CPPED1: variants seen among roughly 807,000 people sequenced by gnomAD.
CPPED1 encodes the protein serine/threonine-protein phosphatase CPPED1.
Under a neutral mutation model 28.0 loss-of-function variants are expected in CPPED1, and 28 were observed. The observed-to-expected ratio is 1.00, with a 90% CI of 0.74 to 1.37. The LOEUF (loss-of-function observed/expected upper bound fraction) is 1.37. CPPED1 is among the 40% of genes most tolerant of loss of function. The pLI is 0.00. For missense variants in CPPED1, 504 were observed against 416.5 expected (o/e 1.21, Z -1.83); for synonymous variants, 198 against 180.2 (o/e 1.10, Z -0.79).
chr16:12,686,225 T>TTG (rs2079932169), intron 3 of CPPED1, among the ~76,000 whole-genome samples: 5 of 136,276 alleles, frequency 3.7e-5, no homozygotes, highest in African/African-American at 1.8e-4. Context: ...TGTTTATTAA[T>TTG]TGTATATATA....
At chr16:12,800,514 G>A (rs1007096399) in intron 1 of CPPED1, among the ~76,000 whole-genome samples, 2 of 151,878 alleles carry the variant, frequency 1.3e-5, no homozygotes, top group East Asian at 3.9e-4. Context: ...GCTTCCAACT[G>A]GATTGCATCC....
chr16:12,750,387 C>T (rs139941541), intron 2 of CPPED1, among the ~76,000 whole-genome samples: 103 of 152,202 alleles, frequency 6.8e-4, no homozygotes, highest in African/African-American at 2.3e-3. Flanking sequence ...GCTTAGAAGC[C>T]AGTATAGGGT....
intron 3 of CPPED1, among the ~76,000 whole-genome samples, chr16:12,699,829 A>G (rs2080011037): frequency 6.6e-6 from 1 of 152,212 alleles, no homozygotes; most frequent in South Asian, 2.1e-4. Flanking sequence ...ATTAAATACC[A>G]GCTGCCATCG....
At chr16:12,749,259 T>C (rs2080311640) in intron 2 of CPPED1, among the ~76,000 whole-genome samples, 1 of 152,220 alleles carries the variant, frequency 6.6e-6, no homozygotes, top group African/African-American at 2.4e-5. Context: ...GCATTGTGAG[T>C]TTATGGAATA....
At chr16:12,770,230 G>A (rs1466685529) in intron 2 of CPPED1, among the ~76,000 whole-genome samples, 2 of 152,156 alleles carry the variant, frequency 1.3e-5, no homozygotes, top group Non-Finnish European at 2.9e-5. Flanking sequence ...TGCTCTCAGT[G>A]CAAATGGCGC....
At chr16:12,791,010 T>C (rs973401721) in intron 1 of CPPED1, among the ~76,000 whole-genome samples, 4 of 150,722 alleles carry the variant, frequency 2.7e-5, no homozygotes, top group African/African-American at 9.7e-5. Flanking sequence ...CCCATCAGGA[T>C]CTTAAATTCA....
chr16:12,797,525 AG>A (rs1273004062), intron 1 of CPPED1, among the ~76,000 whole-genome samples: 1 of 152,096 alleles, frequency 6.6e-6, no homozygotes, highest in Non-Finnish European at 1.5e-5. Flanking sequence ...ACTGCACTCC[AG>A]CATAGGTGAC....
At chr16:12,717,924 G>T (rs969611723) in intron 2 of CPPED1, among the ~76,000 whole-genome samples, 1 of 152,180 alleles carries the variant, frequency 6.6e-6, no homozygotes, top group African/African-American at 2.4e-5. Context: ...TTACAGGCGT[G>T]AGCCACTGCA....
rs1315431853 is a variant in CPPED1, at chr16:12,687,959, GGAA to G, written c.715+16662_715+16664del. 2.7e-5 allele frequency among the ~76,000 whole-genome samples: 4 copies of G among 150,392 alleles called. No individual in the cohort carries two copies. In the South Asian group the frequency reaches 8.4e-4, roughly 32 times the overall value. On this transcript the variant is annotated intron_variant, in intron 3 of 3. Transcript: ENST00000381774. Reference sequence around the variant, plus strand: ...AAAGAATGAAGGAAGAAGGAGGGAAGGAAGAAGAAGGAGGAATGGAATGTCACT... The same window carrying G: ...AAAGAATGAAGGAAGAAGGAGGGAAGGAAGAAGGAGGAATGGAATGTCACT...
At chr16:12,717,115 A>G (rs964583827) in intron 2 of CPPED1, among the ~76,000 whole-genome samples, 1 of 152,186 alleles carries the variant, frequency 6.6e-6, no homozygotes, top group South Asian at 2.1e-4. Flanking sequence ...GAGGTTTAAA[A>G]AAAAGACCAG....
chr16:12,776,300 G>A (rs1050111309), intron 2 of CPPED1, among the ~76,000 whole-genome samples: 1 of 152,184 alleles, frequency 6.6e-6, no homozygotes, highest in African/African-American at 2.4e-5. Flanking sequence ...GTTCTTGTTG[G>A]ACTTCTGACC....
chr16:12,714,424 C>G (rs2080096453), intron 2 of CPPED1, among the ~76,000 whole-genome samples: 1 of 152,196 alleles, frequency 6.6e-6, no homozygotes, highest in African/African-American at 2.4e-5. Flanking sequence ...ATGAGGGTCC[C>G]AATGTTTCCA....
chr16:12,664,273 C>A lies in CPPED1; in HGVS notation c.*613G>T. On this transcript the variant is annotated 3_prime_UTR_variant, in exon 4 of 4. Coordinates refer to ENST00000381774, the MANE Select transcript of CPPED1 (RefSeq NM_018340.3). The surrounding 1 kb of genome is among the most constrained non-coding windows in gnomAD (Gnocchi z 4.2). ...AGGCACCCAGGAAGGCAAATTTAAG[C>A]TCCGAGCTGTATCAACTGCATTCTG... 1 of 807,090 alleles carries A rather than the reference C, an allele frequency of 1.2e-6. No individual in the cohort carries two copies. Among genetic ancestry groups the A allele is most frequent in the Non-Finnish European group, 1.5e-6 (1 of 666,954 alleles). The allele number at this position is 807,090 out of a possible 1,614,324, so 50.0% of individuals were successfully genotyped here.
chr16:12,803,867 TG>T lies in CPPED1; in HGVS notation c.-92del. On this transcript the variant is annotated 5_prime_UTR_variant, in exon 1 of 4. Transcript: ENST00000381774. ...AACAACCGCTGGACCTGTCCCGCTT[TG>T]GGCGACGCCCTTTGATCTCGGGGCG... 1 of 1,179,184 alleles carries T rather than the reference TG, an allele frequency of 8.5e-7. No homozygotes were observed. The highest frequency in any genetic ancestry group is 1.5e-5 in the South Asian group (1 of 67,192). 73.0% of individuals were successfully genotyped at this position (1,179,184 alleles called of 1,614,324 possible). A position where few individuals can be genotyped will look rare whatever the true frequency, so the allele number is the denominator to read the frequency against.
intron 3 of CPPED1, among the ~76,000 whole-genome samples, chr16:12,674,168 C>T (rs1057293237): frequency 3.9e-5 from 6 of 152,144 alleles, no homozygotes; most frequent in African/African-American, 1.4e-4. Flanking sequence ...AGGAACTTGG[C>T]CTTCTGAGGT....
In CPPED1 at chr16:12,660,341, A is replaced by G. The variant is rs1188489156; in HGVS notation, c.*4545T>C. ...CACATTTAATCGACTTCATTTACAT[A>G]GATAAAGCCTAAAGGAAAAATCCAA... On this transcript the variant is annotated 3_prime_UTR_variant, in exon 4 of 4. Coordinates refer to ENST00000381774, the MANE Select transcript of CPPED1 (RefSeq NM_018340.3). 6.6e-6 allele frequency: 1 copy of G among 152,236 alleles called. No individual in the cohort carries two copies. The highest frequency in any genetic ancestry group is 2.4e-5 in the African/African-American group (1 of 41,464). 9.4% of individuals were successfully genotyped at this position (152,236 alleles called of 1,614,324 possible). A position where few individuals can be genotyped will look rare whatever the true frequency, so the allele number is the denominator to read the frequency against.
chr16:12,666,291 C>A (rs969509877), intron 3 of CPPED1, among the ~76,000 whole-genome samples: 2 of 152,100 alleles, frequency 1.3e-5, no homozygotes, highest in African/African-American at 4.8e-5. Context: ...AGGCCAGACA[C>A]AAAACAGAGA....
intron 2 of CPPED1, among the ~76,000 whole-genome samples, chr16:12,723,255 G>A (rs1352217404): frequency 6.6e-6 from 1 of 152,194 alleles, no homozygotes; most frequent in Non-Finnish European, 1.5e-5. Context: ...GGCAATTACA[G>A]GTGTGACTTC....
At chr16:12,714,339 C>T (rs532980021) in intron 2 of CPPED1, among the ~76,000 whole-genome samples, 1 of 152,250 alleles carries the variant, frequency 6.6e-6, no homozygotes, top group South Asian at 2.1e-4. Flanking sequence ...TACATGGTAA[C>T]TATATGTGTT....
Sources: allele counts gnomAD v4.1 joint callset (sites outside exome capture counted in the v4.1 genomes callset), GRCh38; gene constraint gnomAD v4.1.1; non-coding constraint Gnocchi (gnomAD v3.1); transcripts MANE v1.5; gene names NCBI Gene and HGNC (gene_info 2026-07-23, HGNC 2026-07-21).